HEPACAM2: variants seen among roughly 807,000 people sequenced by gnomAD.
HEPACAM2 encodes the protein HEPACAM family member 2, also known as mitotic kinetics regulator.
A neutral mutation model predicts 49.6 loss-of-function variants in HEPACAM2; 49 were observed. That is an observed-to-expected ratio of 0.99 (90% CI 0.78 to 1.25). HEPACAM2 has a LOEUF of 1.25. Among genes scored for constraint, HEPACAM2 ranks in the 50% most tolerant of loss-of-function variants. HEPACAM2 has a pLI of 0.00. For synonymous variants in HEPACAM2, 197 were observed against 202.9 expected (o/e 0.97, Z 0.25); for missense variants, 525 against 557.2 (o/e 0.94, Z 0.58).
In HEPACAM2 at chr7:93,197,627, A is replaced by T. The variant is rs1455034165; in HGVS notation, c.1013-17T>A. On this transcript the variant is annotated splice_polypyrimidine_tract_variant and intron_variant, in intron 4 of 9. Coordinates refer to ENST00000394468, the MANE Select transcript of HEPACAM2 (RefSeq NM_001039372.4). Reference sequence around the variant, plus strand: ...TCTCCAGTCCTAAATAAAAAGATAAACATATTTTTAGCAATAAATTGCTAC... The same window carrying T: ...TCTCCAGTCCTAAATAAAAAGATAATCATATTTTTAGCAATAAATTGCTAC... 1.9e-6 allele frequency: 3 copies of T among 1,545,840 alleles called. No homozygotes were observed.
chr7:93,214,397 G>A (rs1401151559), intron 3 of HEPACAM2, among the ~76,000 whole-genome samples: 1 of 152,114 alleles, frequency 6.6e-6, no homozygotes, highest in Admixed American at 6.5e-5. Flanking sequence ...TCTTTACAAT[G>A]TGTAAATGGA....
In HEPACAM2 at chr7:93,226,392, A is replaced by C. The variant is rs763977281; in HGVS notation, c.55T>G (p.Cys19Gly). Residue 19 changes from cysteine (C) to glycine (G), a missense_variant, in exon 1 of 10, where the codon TGC becomes GGC. Physicochemically the swap from Cys to Gly is radical, Grantham distance 159. Transcript: ENST00000394468. Reference sequence around the variant, plus strand: ...CCGAAGAGAAGGAGGTATATTTTGCACTGAAAGACCCCAAGTGTGTCACCG... The same window carrying C: ...CCGAAGAGAAGGAGGTATATTTTGCCCTGAAAGACCCCAAGTGTGTCACCG... The part of the protein sequence containing the change: ...PFGDTLGVFQ[C>G]KIYLLLFGAC... The C allele has an allele frequency of 1.9e-6, 3 of 1,613,152 alleles. No homozygotes were observed. The highest frequency in any genetic ancestry group is 2.7e-5 in the African/African-American group (2 of 74,836).
rs533163679 is a variant in HEPACAM2, at chr7:93,220,953, GGAGA to G, written c.80-1506_80-1503del. Among the ~76,000 whole-genome samples the G allele has an allele frequency of 2.4e-4, 36 of 152,270 alleles. No homozygotes were observed. The South Asian group carries it at 7.3e-3, about 31-fold the overall frequency. On this transcript the variant is annotated intron_variant, in intron 1 of 9. Coordinates refer to ENST00000394468, the MANE Select transcript of HEPACAM2 (RefSeq NM_001039372.4). The stretch of plus-strand genomic sequence containing the variant: ...TCATAGGAACATTTGACGTAATAGA[GGAGA>G]GAGTGAGAGAAATTTAAATGTGGAA...
At chr7:93,214,551 T>C (rs1164810741) in intron 3 of HEPACAM2, among the ~76,000 whole-genome samples, 1 of 152,194 alleles carries the variant, frequency 6.6e-6, no homozygotes, top group Non-Finnish European at 1.5e-5. Context: ...CAGCAAAAGA[T>C]AGATTCTGTA....
chr7:93,197,147 T>C, intron 7 of HEPACAM2, 94 bp downstream of exon 7: 1 of 835,348 alleles, frequency 1.2e-6, no homozygotes, highest in Non-Finnish European at 1.6e-6. Flanking sequence ...TTAGCTCATA[T>C]TAATTATATT....
chr7:93,204,568 T>C (rs1793981648), intron 4 of HEPACAM2, among the ~76,000 whole-genome samples: 1 of 152,156 alleles, frequency 6.6e-6, no homozygotes, highest in Admixed American at 6.5e-5. Flanking sequence ...GACATTATTT[T>C]CAGTTACAAG....
rs114969364 is a variant in HEPACAM2, at chr7:93,209,313, G to A, written c.716-437C>T. Among the ~76,000 whole-genome samples, 735 of 151,902 alleles carry A rather than the reference G, an allele frequency of 4.8e-3. 5 individuals are homozygous for A. Among genetic ancestry groups the A allele is most frequent in the African/African-American group, 0.016 (673 of 41,460 alleles). On this transcript the variant is annotated intron_variant, in intron 3 of 9. Transcript: ENST00000394468. The stretch of plus-strand genomic sequence containing the variant: ...TTTAATTGAGACATGATAATCGTAC[G>A]TATTTATGAGGTACAGTGTGATGTT...
Position 93,208,627 on chromosome 7 carries a change from G to T in HEPACAM2, c.965C>A (p.Thr322Asn), listed in dbSNP as rs766004798. 3.1e-6 allele frequency: 5 copies of T among 1,612,874 alleles called. No homozygotes were observed. In the African/African-American group the frequency reaches 4.0e-5, roughly 13 times the overall value. Residue 322 changes from threonine (T) to asparagine (N), a missense_variant, in exon 4 of 10, where the codon ACC becomes AAC. Transcript: ENST00000394468. ...GAAATGAGTTTCATCTTGCCTGCCGGTTATGTTGTTGTAAGCACAGCACAC... is the reference window on the plus strand; with the variant it reads ...GAAATGAGTTTCATCTTGCCTGCCGTTTATGTTGTTGTAAGCACAGCACAC... ...DYVCCAYNNI[T>N]GRQDETHFTV...
chr7:93,224,529 GC>G (rs1329990941), intron 1 of HEPACAM2, among the ~76,000 whole-genome samples: 1 of 152,022 alleles, frequency 6.6e-6, no homozygotes, highest in African/African-American at 2.4e-5. Flanking sequence ...ATACAAAATT[GC>G]AGCAATGATC....
chr7:93,194,914 A>G (rs967688142), intron 8 of HEPACAM2, among the ~76,000 whole-genome samples: 5 of 115,304 alleles, frequency 4.3e-5, no homozygotes, highest in Non-Finnish European at 8.4e-5. Context: ...TGATTACTTT[A>G]AAAGATCTTT....
At chr7:93,219,844 A>G (rs1299263628) in intron 1 of HEPACAM2, among the ~76,000 whole-genome samples, 1 of 152,222 alleles carries the variant, frequency 6.6e-6, no homozygotes, top group Non-Finnish European at 1.5e-5. Flanking sequence ...TGATTTGAGA[A>G]ATACTAGAGG....
intron 1 of HEPACAM2, chr7:93,225,909 A>G (rs1262604238): frequency 1.4e-6 from 2 of 1,435,438 alleles, no homozygotes; most frequent in Non-Finnish European, 1.9e-6. Flanking sequence ...ATAAGATGAG[A>G]CAGATAACTT....
Position 93,215,685 on chromosome 7 carries a change from T to A in HEPACAM2, c.431A>T (p.Asp144Val), listed in dbSNP as rs796231044. The change falls in exon 3 of 10, where the codon GAT becomes GTT. Residue 144 changes from aspartate to valine, a missense_variant and splice_region_variant. Transcript: ENST00000394468. The stretch of plus-strand genomic sequence containing the variant: ...CTGCACCACTGGCTTTGTGACAGGA[T>A]CTGCAATATTAAGAGAGATATGAAT... ...ASQKIQVTVDDPVTKPVVQIH... is the reference protein window; with the variant it reads ...ASQKIQVTVDVPVTKPVVQIH... 3 of 1,612,304 alleles carry A rather than the reference T, an allele frequency of 1.9e-6. No homozygotes were observed. The highest frequency in any genetic ancestry group is 2.7e-5 in the African/African-American group (2 of 74,966).
Position 93,197,293 on chromosome 7 carries a change from T to G in HEPACAM2, c.1164-15A>C. ...CTGTTTCTGGCCTGAAAAGACAAAA[T>G]AGGTATTTTTGTCAGGGATAATAAT... is the stretch of plus-strand genomic sequence containing the variant. On this transcript the variant is annotated splice_polypyrimidine_tract_variant and intron_variant, in intron 6 of 9. Transcript: ENST00000394468. 1 of 1,610,048 alleles carries G rather than the reference T, an allele frequency of 6.2e-7. No individual in the cohort carries two copies. Among genetic ancestry groups the G allele is most frequent in the Non-Finnish European group, 8.5e-7 (1 of 1,178,266 alleles).
At chr7:93,206,293 A>T (rs1262263850) in intron 4 of HEPACAM2, among the ~76,000 whole-genome samples, 1 of 152,076 alleles carries the variant, frequency 6.6e-6, no homozygotes, top group Non-Finnish European at 1.5e-5. Flanking sequence ...TATAAAAATT[A>T]ATAAAATGGA....
chr7:93,214,649 T>C (rs1794258177), intron 3 of HEPACAM2, among the ~76,000 whole-genome samples: 1 of 152,156 alleles, frequency 6.6e-6, no homozygotes, highest in Non-Finnish European at 1.5e-5. Flanking sequence ...AAGCATAATA[T>C]TTAACATTTG....
intron 1 of HEPACAM2, among the ~76,000 whole-genome samples, chr7:93,221,505 ACCAACAGTAAATTTAT>A (rs1361974533): frequency 1.3e-5 from 2 of 152,204 alleles, no homozygotes; most frequent in East Asian, 3.9e-4. Context: ...ATCCAGTTCT[ACCAACAGTAAATTTAT>A]CTCCTTCCTT....
chr7:93,218,568 C>G (rs1794368523), intron 2 of HEPACAM2, among the ~76,000 whole-genome samples: 1 of 151,586 alleles, frequency 6.6e-6, no homozygotes, highest in South Asian at 2.1e-4. Context: ...TGGGCTTGGA[C>G]ATAGTATATT....
At chr7:93,202,407 G>A (rs1389461776) in intron 4 of HEPACAM2, among the ~76,000 whole-genome samples, 2 of 152,018 alleles carry the variant, frequency 1.3e-5, no homozygotes, top group Non-Finnish European at 2.9e-5. Flanking sequence ...AGAATTGAGA[G>A]TAGACAGGTT....
Sources: gnomAD v4.1 joint callset for allele counts (sites outside exome capture counted in the v4.1 genomes callset) on GRCh38, gnomAD v4.1.1 for gene constraint, MANE v1.5 for transcripts, NCBI Gene and HGNC (gene_info 2026-07-23, HGNC 2026-07-21) for gene names.